The following CROCC2 variants were observed in gnomAD, a reference collection of about 807,000 sequenced individuals.
CROCC2 encodes the protein ciliary rootlet coiled-coil protein 2.
Under a neutral mutation model 177.6 loss-of-function variants are expected in CROCC2, and 163 were observed. The observed-to-expected ratio is 0.92, with a 90% CI of 0.81 to 1.05. The LOEUF is 1.05. CROCC2 is among the 50% of genes least tolerant of loss of function. CROCC2 has a pLI of 0.00. For missense variants in CROCC2, 1,929 were observed against 1,797.8 expected (o/e 1.07, Z -1.32); for synonymous variants, 904 against 787.3 (o/e 1.15, Z -2.48).
intron 5 of CROCC2, among the ~76,000 whole-genome samples, chr2:240,929,246 C>T (rs1191409637): frequency 6.6e-6 from 1 of 152,148 alleles, no homozygotes; most frequent in African/African-American, 2.4e-5. Flanking sequence ...GGTTTCTGGT[C>T]ATGGTCCTCT....
At chr2:240,929,702 G>A (rs1457909161) in intron 5 of CROCC2, 1 of 457,074 alleles carries the variant, frequency 2.2e-6, no homozygotes, top group South Asian at 1.5e-5. Flanking sequence ...CCAGAGTAAG[G>A]AGAAAGACTG....
At chr2:240,954,817 C>T (rs138123936) in intron 18 of CROCC2, 151 of 152,258 alleles carry the variant, frequency 9.9e-4, no homozygotes, top group African/African-American at 3.6e-3. Context: ...CCTGAGTCAC[C>T]TCATTAGCAT....
In CROCC2 at chr2:240,973,372, C is replaced by T. The variant is rs897095911; in HGVS notation, c.4401+5110C>T. Among the ~76,000 whole-genome samples the T allele has an allele frequency of 1.3e-5, 2 of 152,096 alleles. No individual in the cohort carries two copies. Among genetic ancestry groups the T allele is most frequent in the Admixed American group, 6.5e-5 (1 of 15,278 alleles). On this transcript the variant is annotated intron_variant, in intron 27 of 31. Coordinates refer to ENST00000690015, the MANE Select transcript of CROCC2 (RefSeq NM_001351305.2). This position sits in a 1 kb window ranked among gnomAD's most constrained non-coding sequence, Gnocchi z 4.7. ...GTAGCTGGCCAGGTCTCTGAGCAGGCGGGAGGCCTGGCACTCACTCAGCAT... is the reference window on the plus strand; with the variant it reads ...GTAGCTGGCCAGGTCTCTGAGCAGGTGGGAGGCCTGGCACTCACTCAGCAT...
intron 1 of CROCC2, among the ~76,000 whole-genome samples, chr2:240,914,391 G>A (rs924555704): frequency 6.6e-6 from 1 of 152,220 alleles, no homozygotes; most frequent in Non-Finnish European, 1.5e-5. Flanking sequence ...AGAACCCTGC[G>A]GGCCGATGCT....
chr2:240,959,526 G>A, intron 20 of CROCC2, 82 bp downstream of exon 20: 1 of 1,473,652 alleles, frequency 6.8e-7, no homozygotes, highest in Admixed American at 2.4e-5. Flanking sequence ...GAGAGAGTGG[G>A]GGTGCCAGGA....
intron 10 of CROCC2, 58 bp downstream of exon 10, chr2:240,933,400 C>T: frequency 7.1e-7 from 1 of 1,417,494 alleles, no homozygotes; most frequent in Non-Finnish European, 9.3e-7. Flanking sequence ...CCTGAGGGCC[C>T]AGGGCTGCTG....
chr2:240,965,525 G>C lies in CROCC2; in HGVS notation c.3603+7G>C, dbSNP rs1373159300. The C allele has an allele frequency of 6.5e-7, 1 of 1,550,286 alleles. No individual in the cohort carries two copies. ...CGAGGGTGCCCGGAAGGAGGTGGGA[G>C]GGCTGCCTGTGGTCAGAAGGGAAGG... On this transcript the variant is annotated splice_region_variant and intron_variant, in intron 23 of 31. Transcript: ENST00000690015.
chr2:240,966,831 G>C (rs1450216738), intron 25 of CROCC2, among the ~76,000 whole-genome samples: 1 of 152,132 alleles, frequency 6.6e-6, no homozygotes, highest in Non-Finnish European at 1.5e-5. Flanking sequence ...AACCACCCGT[G>C]AGCGGCCCCC....
rs901383330 is a variant in CROCC2, at chr2:240,918,771, C to T, written c.124C>T (p.Arg42Trp). ...GAGTCCCACAGCCAGCAGGGAAGAC[C>T]GGGCGCTGACCGTGCGTGGGGAAGG... ...ILSPTASRED[R>W]ALTVRGEGRQ... Residue 42 changes from arginine (R) to tryptophan (W), a missense_variant, in exon 2 of 32, where the codon CGG becomes TGG. Arg to Trp is a moderately radical substitution (Grantham distance 101). Coordinates refer to ENST00000690015, the MANE Select transcript of CROCC2 (RefSeq NM_001351305.2). This position sits in a 1 kb window ranked among gnomAD's most constrained non-coding sequence, Gnocchi z 6.3. The T allele has an allele frequency of 5.5e-5, 32 of 587,038 alleles. No individual in the cohort carries two copies. Among genetic ancestry groups the T allele is most frequent in the African/African-American group, 1.2e-4 (6 of 50,674 alleles). 36.4% of individuals were successfully genotyped at this position (587,038 alleles called of 1,614,324 possible). A position where few individuals can be genotyped will look rare whatever the true frequency, so the allele number is the denominator to read the frequency against.
chr2:240,983,588 A>G, intron 28 of CROCC2: 1 of 1,281,944 alleles, frequency 7.8e-7, no homozygotes, highest in Non-Finnish European at 1.0e-6. Context: ...GGTAGGCGGC[A>G]GCGGTGGTCC....
At chr2:240,932,272 C>A in intron 7 of CROCC2, 46 bp from the exon 8 acceptor site, 1 of 688,054 alleles carries the variant, frequency 1.5e-6, no homozygotes, top group Non-Finnish European at 2.7e-6. Flanking sequence ...GGGTGCCCGT[C>A]CTCTGGGCCC....
chr2:240,963,589 C>G lies in CROCC2; in HGVS notation c.3121C>G (p.Gln1041Glu). ...ERLRAQLTVA[Q>E]EGLAALRQEL... ...GCTGCGGGCACAGCTGACCGTGGCCCAGGAGGGACTGGCCGCACTGCGCCA... is the reference window on the plus strand; with the variant it reads ...GCTGCGGGCACAGCTGACCGTGGCCGAGGAGGGACTGGCCGCACTGCGCCA... Residue 1041 changes from glutamine (Q) to glutamate (E), a missense_variant, in exon 21 of 32, where the codon CAG becomes GAG. Gln to Glu is a conservative substitution (Grantham distance 29, BLOSUM62 2). This residue lies in a region of CROCC2 where 1,397 missense variants were observed against 1,239.9 expected (regional missense o/e 1.13). Transcript: ENST00000690015. The G allele has an allele frequency of 6.5e-7, 1 of 1,546,754 alleles. No individual in the cohort carries two copies. The highest frequency in any genetic ancestry group is 8.7e-7 in the Non-Finnish European group (1 of 1,145,526).
intron 20 of CROCC2, among the ~76,000 whole-genome samples, chr2:240,961,582 A>ACACT (rs780444527): frequency 3.2e-5 from 3 of 92,950 alleles, no homozygotes; most frequent in African/African-American, 1.1e-4. Flanking sequence ...CATCACACAT[A>ACACT]CACTCACACA....
rs1041591246 is a variant in CROCC2, at chr2:240,932,791, A to G, written c.1134A>G (p.Gln378=). 3.4e-6 allele frequency: 5 copies of G among 1,464,566 alleles called. No homozygotes were observed. The highest frequency in any genetic ancestry group is 1.4e-5 in the African/African-American group (1 of 71,484). 90.7% of individuals were successfully genotyped at this position (1,464,566 alleles called of 1,614,324 possible). A position where few individuals can be genotyped will look rare whatever the true frequency, so the allele number is the denominator to read the frequency against. ...CACGGCGCCCACTGAGGAGCCCCCA[A>G]CGTGCCACATCCCCCCATCAAGGGG... The part of the protein sequence containing the change: ...GEPRRPLRSP[Q]RATSPHQGAS... Residue 378 remains glutamine, a synonymous_variant, in exon 9 of 32, where the codon CAA becomes CAG. Transcript: ENST00000690015.
chr2:240,947,692 C>T (rs1009495127), intron 15 of CROCC2, among the ~76,000 whole-genome samples: 10 of 152,208 alleles, frequency 6.6e-5, no homozygotes, highest in Non-Finnish European at 1.3e-4. Context: ...GGCCTCCCCA[C>T]GGGTCTGCTT....
chr2:240,911,296 C>CTTTTT (rs35968018), intron 1 of CROCC2, among the ~76,000 whole-genome samples: 18 of 123,034 alleles, frequency 1.5e-4, no homozygotes, highest in African/African-American at 2.1e-4. Context: ...ACGTCCACAA[C>CTTTTT]TTTTTTTTTT....
At chr2:240,950,642 T>C (rs1434889396) in intron 18 of CROCC2, 132 bp downstream of exon 18, 12 of 889,646 alleles carry the variant, frequency 1.3e-5, no homozygotes, top group Non-Finnish European at 1.8e-5. Flanking sequence ...CATCCATCCA[T>C]CCATCCAACC....
chr2:240,968,421 C>T (rs922169927), intron 27 of CROCC2, among the ~76,000 whole-genome samples, 159 bp downstream of exon 27: 10 of 152,108 alleles, frequency 6.6e-5, no homozygotes, highest in Non-Finnish European at 1.2e-4. Context: ...CCGGTGGGGC[C>T]CTGGGGCAGA....
At position 240,946,231 on chromosome 2, in the gene CROCC2, G is replaced by C. The variant is rs2059523481; in HGVS notation, c.2341G>C (p.Ala781Pro). The change falls in exon 15 of 32, where the codon GCT (alanine) becomes CCT (proline). Residue 781 changes from alanine to proline, a missense_variant. Physicochemically the swap from Ala to Pro is conservative, Grantham distance 27. Transcript: ENST00000690015. The part of the protein sequence containing the change: ...EALERQGRLA[A>P]EEAADLRVER... ...CTTGGAGAGGCAGGGCCGGCTCGCA[G>C]CTGAAGAGGCAGCTGATCTCAGGTA... is the stretch of plus-strand genomic sequence containing the variant. 1.2e-5 allele frequency: 18 copies of C among 1,535,966 alleles called. No individual in the cohort carries two copies. Among genetic ancestry groups the C allele is most frequent in the Non-Finnish European group, 1.6e-5 (18 of 1,135,322 alleles).
Sources: allele counts gnomAD v4.1 joint callset (sites outside exome capture counted in the v4.1 genomes callset), GRCh38; gene constraint gnomAD v4.1.1; regional missense constraint gnomAD v4.1.1; non-coding constraint Gnocchi (gnomAD v3.1); transcripts MANE v1.5; gene names NCBI Gene and HGNC (gene_info 2026-07-23, HGNC 2026-07-21).